TYW1: variants seen among roughly 807,000 people sequenced by gnomAD.
TYW1 encodes S-adenosyl-L-methionine-dependent tRNA 4-demethylwyosine synthase TYW1.
Under a neutral mutation model 96.2 loss-of-function variants are expected in TYW1, and 46 were observed. That is an observed-to-expected ratio of 0.48 (90% CI 0.38 to 0.61). The LOEUF is 0.61. TYW1 is among the 20% of genes least tolerant of loss of function. The probability of loss-of-function intolerance (pLI) is 0.00; values close to 1 mark genes in which losing one functional copy is unlikely to be tolerated. For synonymous variants in TYW1, 274 were observed against 323.0 expected, an observed-to-expected ratio of 0.85 and a Z score of 1.63; for missense variants, 684 against 909.6, an observed-to-expected ratio of 0.75 and a Z score of 3.19.
chr7:67,036,513 G>A (rs1306481852), intron 7 of TYW1, among the ~76,000 whole-genome samples: 3 of 152,218 alleles, frequency 2.0e-5, no homozygotes, highest in Admixed American at 6.5e-5. Flanking sequence ...TGGAAAGAGT[G>A]TGACCCATAA....
intron 13 of TYW1, among the ~76,000 whole-genome samples, chr7:67,177,955 A>G (rs373843158): frequency 7.5e-5 from 11 of 147,554 alleles, no homozygotes; most frequent in African/African-American, 2.8e-4. Context: ...AGAGTTCGAG[A>G]CCAGCCTGGG....
At chr7:67,216,493 G>A (rs1455101645) in intron 15 of TYW1, among the ~76,000 whole-genome samples, 2 of 141,618 alleles carry the variant, frequency 1.4e-5, no homozygotes, top group Admixed American at 7.5e-5. Context: ...CGCCATAGAC[G>A]AGGTGTGTCT....
In TYW1 at chr7:67,052,792, C is replaced by T. The variant is rs1175934383; in HGVS notation, c.1102+2726C>T. Among the ~76,000 whole-genome samples, 9 of 152,196 alleles carry T rather than the reference C, an allele frequency of 5.9e-5. No homozygotes were observed. The East Asian group carries it at 7.7e-4, about 13-fold the overall frequency. On this transcript the variant is annotated intron_variant, in intron 8 of 15. Transcript: ENST00000359626. ...TGTTGCCCAGGCCGGAGTGCAGTGG[C>T]GTGATCTTGGCTCACTGCAACCTCT...
chr7:67,029,769 C>T (rs975487158), intron 7 of TYW1, among the ~76,000 whole-genome samples: 10 of 152,124 alleles, frequency 6.6e-5, no homozygotes, highest in African/African-American at 1.9e-4. Flanking sequence ...GGTGTGATCA[C>T]GGCTCACTGC....
chr7:67,004,819 G>A (rs28867847), intron 3 of TYW1, among the ~76,000 whole-genome samples: 31,366 of 152,036 alleles, frequency 0.21, 3,443 homozygotes, highest in Middle Eastern at 0.27. Flanking sequence ...GCAGTGGTGC[G>A]ATCTCAGCTC....
Position 67,195,156 on chromosome 7 carries a change from T to C in TYW1, c.1810-14T>C, listed in dbSNP as rs757170442. 1.7e-5 allele frequency: 27 copies of C among 1,613,332 alleles called. No individual in the cohort carries two copies. Among genetic ancestry groups the C allele is most frequent in the Non-Finnish European group, 2.3e-5 (27 of 1,179,592 alleles). ...GGTCTGTAGTCATCTCTGATGGTTA[T>C]ACTGTTTCCACAGGGCGTTACCTAC... On this transcript the variant is annotated splice_polypyrimidine_tract_variant and intron_variant, in intron 14 of 15. Transcript: ENST00000359626.
At chr7:67,030,427 C>A (rs1330901295) in intron 7 of TYW1, among the ~76,000 whole-genome samples, 1 of 151,726 alleles carries the variant, frequency 6.6e-6, no homozygotes, top group Non-Finnish European at 1.5e-5. Flanking sequence ...GTCACGAGTT[C>A]GAGACCAGCC....
At chr7:67,047,073 G>GT (rs752474644) in intron 7 of TYW1, among the ~76,000 whole-genome samples, 16 of 152,274 alleles carry the variant, frequency 1.1e-4, no homozygotes, top group Middle Eastern at 3.4e-3. Flanking sequence ...AGCTGGTGAT[G>GT]TTTTGTGGTG....
chr7:67,108,449 T>A (rs540679376), intron 12 of TYW1, among the ~76,000 whole-genome samples: 2 of 151,040 alleles, frequency 1.3e-5, no homozygotes, highest in East Asian at 3.9e-4. Flanking sequence ...TTTTCTTTTT[T>A]TTTTTTTTTT....
chr7:67,135,160 T>C (rs1486051265), intron 13 of TYW1, among the ~76,000 whole-genome samples: 1 of 151,674 alleles, frequency 6.6e-6, no homozygotes, highest in African/African-American at 2.4e-5. Flanking sequence ...CATATGTATA[T>C]ACAGAGAGAG....
intron 15 of TYW1, among the ~76,000 whole-genome samples, chr7:67,202,147 T>C (rs1309663101): frequency 6.6e-6 from 1 of 152,198 alleles, no homozygotes; most frequent in Non-Finnish European, 1.5e-5. Flanking sequence ...CTTTTCCTTT[T>C]CGTTGTTGAT....
intron 15 of TYW1, among the ~76,000 whole-genome samples, chr7:67,211,285 G>A (rs1364447848): frequency 6.6e-6 from 1 of 151,652 alleles, no homozygotes; most frequent in Non-Finnish European, 1.5e-5. Flanking sequence ...GCAGTCTTTT[G>A]ACTTTATGAT....
At chr7:67,001,878 CA>C (rs1303482992) in intron 3 of TYW1, among the ~76,000 whole-genome samples, 9 of 151,574 alleles carry the variant, frequency 5.9e-5, no homozygotes, top group Admixed American at 5.9e-4. Context: ...ACTAAAAATA[CA>C]AAAAATTAGC....
intron 13 of TYW1, among the ~76,000 whole-genome samples, chr7:67,134,235 A>G (rs1798175799): frequency 6.6e-6 from 1 of 152,060 alleles, no homozygotes; most frequent in Non-Finnish European, 1.5e-5. Context: ...GGTGAAATAA[A>G]CAAGTGCTAA....
chr7:67,058,397 C>T (rs1311257451), intron 9 of TYW1, among the ~76,000 whole-genome samples: 5 of 152,188 alleles, frequency 3.3e-5, no homozygotes, highest in Non-Finnish European at 5.9e-5. Flanking sequence ...GGCAGGAGCT[C>T]TTCAGGGGGT....
intron 14 of TYW1, among the ~76,000 whole-genome samples, chr7:67,188,428 G>A (rs1180395293): frequency 1.3e-5 from 2 of 152,124 alleles, no homozygotes; most frequent in African/African-American, 2.4e-5. Context: ...CCTCTCTAAG[G>A]ATTAACACTT....
intron 7 of TYW1, among the ~76,000 whole-genome samples, chr7:67,042,176 G>A (rs1009763801): frequency 6.8e-6 from 1 of 147,188 alleles, no homozygotes. Flanking sequence ...ATTAGAATTA[G>A]AATATAATAT....
chr7:67,215,692 C>T (rs1423406158), intron 15 of TYW1, among the ~76,000 whole-genome samples: 7 of 151,884 alleles, frequency 4.6e-5, no homozygotes, highest in East Asian at 1.9e-4. Context: ...CTAACTTACA[C>T]GATCACAAGG....
chr7:67,144,117 G>A (rs185113433), intron 13 of TYW1, among the ~76,000 whole-genome samples: 409 of 152,264 alleles, frequency 2.7e-3, no homozygotes, highest in Non-Finnish European at 4.5e-3. Context: ...GACATTTCTA[G>A]GACTCCAAGG....
Sources: gnomAD v4.1 joint callset for allele counts (sites outside exome capture counted in the v4.1 genomes callset) on GRCh38, gnomAD v4.1.1 for gene constraint, MANE v1.5 for transcripts, NCBI Gene and HGNC (gene_info 2026-07-23, HGNC 2026-07-21) for gene names.